ASIC2: variants seen among roughly 807,000 people sequenced by gnomAD.
The protein encoded by ASIC2 is acid-sensing ion channel 2.
Under a neutral mutation model 57.3 loss-of-function variants are expected in ASIC2, and 25 were observed. The observed-to-expected ratio is 0.44, with a 90% CI of 0.32 to 0.61. The LOEUF (loss-of-function observed/expected upper bound fraction) is 0.61. ASIC2 is among the 20% of genes least tolerant of loss of function. The pLI is 0.06. For synonymous variants in ASIC2, 319 were observed against 307.5 expected (o/e 1.04, Z -0.39); for missense variants, 641 against 738.1 (o/e 0.87, Z 1.52).
At chr17:33,476,346 C>T (rs1913218649) in intron 1 of ASIC2, among the ~76,000 whole-genome samples, 1 of 152,106 alleles carries the variant, frequency 6.6e-6, no homozygotes, top group African/African-American at 2.4e-5. Context: ...ATTATGGTTA[C>T]TAAATCTTAT....
chr17:34,028,612 A>T (rs1030224753), intron 1 of ASIC2, among the ~76,000 whole-genome samples: 1 of 152,228 alleles, frequency 6.6e-6, no homozygotes, highest in Non-Finnish European at 1.5e-5. Flanking sequence ...TTTCACCAGC[A>T]GCCATTCACC....
chr17:33,247,702 C>A (rs1908739286), intron 1 of ASIC2, among the ~76,000 whole-genome samples: 1 of 152,140 alleles, frequency 6.6e-6, no homozygotes, highest in African/African-American at 2.4e-5. Context: ...GTTGGCTAAG[C>A]CAAGAGTAGG....
At chr17:33,138,685 T>G (rs2092375456) in intron 1 of ASIC2, among the ~76,000 whole-genome samples, 1 of 152,206 alleles carries the variant, frequency 6.6e-6, no homozygotes, top group Non-Finnish European at 1.5e-5. Flanking sequence ...TTCATATTCC[T>G]CGGAGGGCTC....
intron 1 of ASIC2, among the ~76,000 whole-genome samples, chr17:33,716,173 G>A (rs996425142): frequency 2.0e-5 from 3 of 152,072 alleles, no homozygotes; most frequent in African/African-American, 4.8e-5. Context: ...CTTCTAACTG[G>A]TTCATCCTGA....
At position 33,607,809 on chromosome 17, in the gene ASIC2, C is replaced by T. The variant is rs150440105; in HGVS notation, c.556-495742G>A. Among the ~76,000 whole-genome samples the T allele has an allele frequency of 6.5e-3, 996 of 152,308 alleles. 4 individuals are homozygous for T. The highest frequency in any genetic ancestry group is 0.011 in the Non-Finnish European group (734 of 68,020). ...GAGAATGAGGCTACCTGTGACCCATCTGGGCACCGCATTCTTAGAACATCA... is the reference window on the plus strand; with the variant it reads ...GAGAATGAGGCTACCTGTGACCCATTTGGGCACCGCATTCTTAGAACATCA... On this transcript the variant is annotated intron_variant, in intron 1 of 9. Transcript: ENST00000359872.
chr17:33,433,852 C>T (rs1192828424), intron 1 of ASIC2, among the ~76,000 whole-genome samples: 1 of 149,152 alleles, frequency 6.7e-6, no homozygotes, highest in African/African-American at 2.5e-5. Context: ...AACAAACCTG[C>T]ACATGTACTC....
chr17:33,804,868 G>A (rs1421164273), intron 1 of ASIC2, among the ~76,000 whole-genome samples: 2 of 151,380 alleles, frequency 1.3e-5, no homozygotes, highest in East Asian at 3.9e-4. Context: ...AAATAATTTT[G>A]CATTTGTTTT....
chr17:34,148,829 G>C (rs1341060273), intron 1 of ASIC2, among the ~76,000 whole-genome samples: 1 of 152,172 alleles, frequency 6.6e-6, no homozygotes. Flanking sequence ...CTGGTGCTCA[G>C]TTTTGAGCCT....
At chr17:33,299,977 C>T (rs1373894524) in intron 1 of ASIC2, among the ~76,000 whole-genome samples, 2 of 152,208 alleles carry the variant, frequency 1.3e-5, no homozygotes, top group Non-Finnish European at 2.9e-5. Context: ...CAACCAGAAT[C>T]CAGGTTCCAA....
At chr17:33,857,305 C>T (rs1202241424) in intron 1 of ASIC2, among the ~76,000 whole-genome samples, 2 of 152,132 alleles carry the variant, frequency 1.3e-5, no homozygotes, top group Non-Finnish European at 2.9e-5. Flanking sequence ...GAATAGCTCT[C>T]AATGTCACAG....
intron 1 of ASIC2, among the ~76,000 whole-genome samples, chr17:33,754,720 G>C (rs1414064601): frequency 6.6e-6 from 1 of 152,064 alleles, no homozygotes; most frequent in Non-Finnish European, 1.5e-5. Context: ...ACTTTGGGAG[G>C]CCGAGGCGGG....
At chr17:33,948,861 T>C (rs1004157316) in intron 1 of ASIC2, among the ~76,000 whole-genome samples, 3 of 152,328 alleles carry the variant, frequency 2.0e-5, no homozygotes, top group Admixed American at 6.5e-5. Flanking sequence ...CAATGACTTA[T>C]AGCAGAAGTT....
chr17:34,026,042 G>A (rs1440680009), intron 1 of ASIC2, among the ~76,000 whole-genome samples: 2 of 152,164 alleles, frequency 1.3e-5, no homozygotes, highest in Admixed American at 6.5e-5. Context: ...GCTGGAGATA[G>A]CCTACGCAAA....
intron 1 of ASIC2, among the ~76,000 whole-genome samples, chr17:34,059,472 G>A (rs868536843): frequency 1.3e-5 from 2 of 152,222 alleles, no homozygotes; most frequent in Admixed American, 1.3e-4. Flanking sequence ...AACAACTTCA[G>A]TGGGGTGAGA....
At chr17:33,246,041 A>T (rs888664503) in intron 1 of ASIC2, among the ~76,000 whole-genome samples, 5 of 151,580 alleles carry the variant, frequency 3.3e-5, no homozygotes, top group African/African-American at 1.2e-4. Flanking sequence ...AAAAAAAAAA[A>T]AAGTCACTGT....
At chr17:33,564,528 A>G (rs1916171718) in intron 1 of ASIC2, among the ~76,000 whole-genome samples, 1 of 152,160 alleles carries the variant, frequency 6.6e-6, no homozygotes, top group Non-Finnish European at 1.5e-5. Flanking sequence ...TATCCTTTTT[A>G]TTTGTTGTCT....
intron 1 of ASIC2, among the ~76,000 whole-genome samples, chr17:34,098,284 C>G (rs1218488650): frequency 2.6e-5 from 4 of 152,162 alleles, no homozygotes; most frequent in African/African-American, 9.7e-5. Flanking sequence ...AATAAGGCAC[C>G]TACTGACTTA....
intron 1 of ASIC2, among the ~76,000 whole-genome samples, chr17:33,785,097 C>G (rs1911563394): frequency 6.6e-6 from 1 of 151,386 alleles, no homozygotes; most frequent in Non-Finnish European, 1.5e-5. Context: ...AAGAAGTAAT[C>G]AAGGTTAAAA....
At chr17:33,945,179 A>T (rs565575213) in intron 1 of ASIC2, among the ~76,000 whole-genome samples, 3 of 152,326 alleles carry the variant, frequency 2.0e-5, no homozygotes, top group Admixed American at 2.0e-4. Flanking sequence ...CCAGTCACTT[A>T]ACATCCCGAA....
Sources: gnomAD v4.1 joint callset for allele counts (sites outside exome capture counted in the v4.1 genomes callset) on GRCh38, gnomAD v4.1.1 for gene constraint, MANE v1.5 for transcripts, NCBI Gene and HGNC (gene_info 2026-07-23, HGNC 2026-07-21) for gene names.